The following SLC67A1 variants were observed in gnomAD, a reference collection of about 807,000 sequenced individuals.
SLC67A1 encodes solute carrier family 67 member A1.
At chr11:2,912,588 G>A in the SLC67A1 span, among the ~76,000 whole-genome samples, 1 of 152,148 alleles carries the variant, frequency 6.6e-6, no homozygotes, top group Non-Finnish European at 1.5e-5. Context: ...ACCCACCTGG[G>A]CAGCAGGTGG....
the SLC67A1 span, chr11:2,918,054 C>T: frequency 7.4e-6 from 12 of 1,613,676 alleles, no homozygotes; most frequent in South Asian, 3.3e-5. Context: ...CCAGACGTCC[C>T]GAGGATCTTC....
chr11:2,912,215 A>G, the SLC67A1 span, among the ~76,000 whole-genome samples: 2 of 151,832 alleles, frequency 1.3e-5, no homozygotes, highest in Non-Finnish European at 1.5e-5. Context: ...TGCGGGGTTG[A>G]CCTTGTGGCT....
the SLC67A1 span, among the ~76,000 whole-genome samples, chr11:2,910,791 G>A: frequency 1.3e-5 from 2 of 152,202 alleles, no homozygotes; most frequent in African/African-American, 4.8e-5. Context: ...CCTGACCCTG[G>A]GGAGCCTGGC....
At chr11:2,910,327 A>T in the SLC67A1 span, among the ~76,000 whole-genome samples, 8 of 152,170 alleles carry the variant, frequency 5.3e-5, no homozygotes, top group Non-Finnish European at 1.2e-4. Context: ...AGTCCCTGGG[A>T]TGAAGGGAAT....
chr11:2,924,231 G>C, the SLC67A1 span, among the ~76,000 whole-genome samples: 1 of 152,218 alleles, frequency 6.6e-6, no homozygotes, highest in Non-Finnish European at 1.5e-5. The surrounding 1 kb of genome is among the most constrained non-coding windows in gnomAD (Gnocchi z 8.6). Flanking sequence ...AGGCTGCTGC[G>C]CAGGTCGGGG....
At chr11:2,899,933 G>C in the SLC67A1 span, 5 of 499,944 alleles carry the variant, frequency 1.0e-5, no homozygotes, top group African/African-American at 9.5e-5. Context: ...CCCTCCCCAG[G>C]GAACCCAGGA....
chr11:2,924,431 T>C, the SLC67A1 span, among the ~76,000 whole-genome samples: 1 of 151,266 alleles, frequency 6.6e-6, no homozygotes, highest in African/African-American at 2.4e-5. This position sits in a 1 kb window ranked among gnomAD's most constrained non-coding sequence, Gnocchi z 8.6. Context: ...GGGATGGGGG[T>C]GTCATGCCCA....
the SLC67A1 span, chr11:2,914,829 C>A: frequency 0.46 from 453,221 of 985,206 alleles, 107,527 homozygotes; most frequent in Non-Finnish European, 0.48. Flanking sequence ...AGGCCAGGGT[C>A]CCAAAGAAAG....
chr11:2,912,717 G>A, the SLC67A1 span, among the ~76,000 whole-genome samples: 1 of 152,222 alleles, frequency 6.6e-6, no homozygotes, highest in African/African-American at 2.4e-5. Context: ...AGGGACCCGG[G>A]ACCTGAGTCA....
chr11:2,905,084 T>C, the SLC67A1 span, among the ~76,000 whole-genome samples: 106,869 of 151,994 alleles, frequency 0.7, 37,844 homozygotes, highest in East Asian at 0.79. Flanking sequence ...GGGAGCCCAG[T>C]TGGGGACGGG....
chr11:2,908,139 G>A, the SLC67A1 span: 6 of 800,168 alleles, frequency 7.5e-6, no homozygotes, highest in African/African-American at 5.1e-5. Flanking sequence ...CCAGGCCCTC[G>A]GTCCCCTCCC....
chr11:2,906,417 C>G, the SLC67A1 span, among the ~76,000 whole-genome samples: 1 of 152,196 alleles, frequency 6.6e-6, no homozygotes, highest in Non-Finnish European at 1.5e-5. Flanking sequence ...GACACATGCA[C>G]ACGTATGTTT....
the SLC67A1 span, chr11:2,909,589 G>C: frequency 2.0e-6 from 3 of 1,529,754 alleles, no homozygotes; most frequent in Non-Finnish European, 2.6e-6. Context: ...CGCCCAGATG[G>C]TCATCACGGA....
the SLC67A1 span, among the ~76,000 whole-genome samples, chr11:2,900,369 T>C: frequency 6.6e-6 from 1 of 151,946 alleles, no homozygotes; most frequent in Admixed American, 6.6e-5. Context: ...CGTGTGTGAA[T>C]GGGAGTTTTC....
the SLC67A1 span, chr11:2,908,298 GC>G: frequency 8.1e-6 from 13 of 1,613,770 alleles, no homozygotes; most frequent in Non-Finnish European, 1.1e-5. Flanking sequence ...CCTTCGGGGT[GC>G]TGCAGCTGCT....
chr11:2,923,933 C>G, the SLC67A1 span, among the ~76,000 whole-genome samples: 4 of 152,192 alleles, frequency 2.6e-5, no homozygotes, highest in Non-Finnish European at 4.4e-5. This position sits in a 1 kb window ranked among gnomAD's most constrained non-coding sequence, Gnocchi z 6.5. Flanking sequence ...CATGCTGGGC[C>G]CTGAGCCCAG....
the SLC67A1 span, among the ~76,000 whole-genome samples, chr11:2,907,284 A>G: frequency 6.6e-6 from 1 of 152,130 alleles, no homozygotes; most frequent in African/African-American, 2.4e-5. This position sits in a 1 kb window ranked among gnomAD's most constrained non-coding sequence, Gnocchi z 6.7. Context: ...GGGGGCTTAG[A>G]GCAACAGAAG....
the SLC67A1 span, among the ~76,000 whole-genome samples, chr11:2,913,216 T>C: frequency 6.6e-6 from 1 of 152,120 alleles, no homozygotes; most frequent in Admixed American, 6.5e-5. Context: ...GTGACTCAGC[T>C]ACTGCCTTAG....
At chr11:2,908,578 G>A in the SLC67A1 span, among the ~76,000 whole-genome samples, 11 of 152,310 alleles carry the variant, frequency 7.2e-5, no homozygotes, top group East Asian at 1.9e-4. Context: ...TGAACACCTC[G>A]TGGCTGTAAG....
Sources: allele counts gnomAD v4.1 joint callset (sites outside exome capture counted in the v4.1 genomes callset), GRCh38; gene constraint gnomAD v4.1.1; non-coding constraint Gnocchi (gnomAD v3.1); transcripts MANE v1.5; gene names NCBI Gene and HGNC (gene_info 2026-07-23, HGNC 2026-07-21).